Variants in MAD1L1 observed in about 807,000 individuals in gnomAD.
MAD1L1 encodes the protein mitotic spindle assembly checkpoint protein MAD1.
Under a neutral mutation model 96.9 loss-of-function variants are expected in MAD1L1, and 95 were observed. That is an observed-to-expected ratio of 0.98 (90% CI 0.83 to 1.16). The LOEUF (loss-of-function observed/expected upper bound fraction) is 1.16, where lower values mean the gene tolerates loss of function less well. Among genes scored for constraint, MAD1L1 ranks in the 50% most tolerant of loss-of-function variants. The probability of loss-of-function intolerance (pLI) is 0.00; values close to 1 mark genes in which losing one functional copy is unlikely to be tolerated. For synonymous variants in MAD1L1, 473 were observed against 396.6 expected (o/e 1.19, Z -2.29); for missense variants, 1,007 against 954.4 (o/e 1.06, Z -0.73).
intron 10 of MAD1L1, among the ~76,000 whole-genome samples, chr7:2,152,862 G>A (rs1207582873): frequency 6.6e-6 from 1 of 152,210 alleles, no homozygotes; most frequent in Non-Finnish European, 1.5e-5. Flanking sequence ...GGCATTGGGA[G>A]GCCGGGAGAG....
chr7:1,854,070 G>C (rs1445488832), intron 18 of MAD1L1, among the ~76,000 whole-genome samples: 2 of 152,186 alleles, frequency 1.3e-5, no homozygotes, highest in Non-Finnish European at 2.9e-5. Context: ...TCGATCACGG[G>C]CGTCGGGTAC....
rs1786049208 is a variant in MAD1L1 at position 2,088,580 on chromosome 7, G to A, written c.1074-19242C>T. ...CCTGGGAGGCCGGGGAGATCAGGAC[G>A]GTGTGGCACAGCCTGGGGCACTCCC... On this transcript the variant is annotated intron_variant, in intron 11 of 18. Transcript: ENST00000265854. The surrounding 1 kb of genome is among the most constrained non-coding windows in gnomAD (Gnocchi z 4.4). Among the ~76,000 whole-genome samples, 2 of 152,284 alleles carry A rather than the reference G, an allele frequency of 1.3e-5. No homozygotes were observed. The highest frequency in any genetic ancestry group is 1.3e-4 in the Admixed American group (2 of 15,302).
chr7:2,060,218 C>T (rs1022012821), intron 12 of MAD1L1, among the ~76,000 whole-genome samples: 1 of 131,428 alleles, frequency 7.6e-6, no homozygotes, highest in Non-Finnish European at 1.5e-5. Flanking sequence ...TGCCAAGTTA[C>T]GCCGATGCCG....
chr7:1,907,163 C>T lies in MAD1L1; in HGVS notation c.1808-8773G>A, dbSNP rs555360628. ...GCTCCCAGCTGCTCAGCCCTTGCCA[C>T]GCCCCCATCCCCACTATCTCCCCAC... is the stretch of plus-strand genomic sequence containing the variant. On this transcript the variant is annotated intron_variant, in intron 17 of 18. Transcript: ENST00000265854. Among the ~76,000 whole-genome samples, 7 of 152,316 alleles carry T rather than the reference C, an allele frequency of 4.6e-5. No individual in the cohort carries two copies. In the South Asian group the frequency reaches 1.0e-3, roughly 23 times the overall value.
intron 10 of MAD1L1, among the ~76,000 whole-genome samples, chr7:2,174,573 G>C (rs1452984787): frequency 1.3e-5 from 2 of 152,118 alleles, no homozygotes; most frequent in Non-Finnish European, 2.9e-5. Context: ...CCGATCCTCA[G>C]AGTGTATTCC....
chr7:1,821,725 T>A (rs1401505131), intron 18 of MAD1L1, among the ~76,000 whole-genome samples: 1 of 152,062 alleles, frequency 6.6e-6, no homozygotes, highest in African/African-American at 2.4e-5. Context: ...TTTGAAAAAA[T>A]TTAATCTCCA....
intron 17 of MAD1L1, among the ~76,000 whole-genome samples, chr7:1,927,519 T>G (rs1421762859): frequency 6.6e-6 from 1 of 152,114 alleles, no homozygotes; most frequent in Non-Finnish European, 1.5e-5. Flanking sequence ...AGAGAAGGTG[T>G]AGAAAGAGAC....
At chr7:1,931,917 C>T (rs62442915) in intron 17 of MAD1L1, among the ~76,000 whole-genome samples, 4,306 of 152,338 alleles carry the variant, frequency 0.028, 95 homozygotes, top group Middle Eastern at 0.11. Context: ...ACAGGTGCTT[C>T]CCAGTCTTTT....
At chr7:2,075,557 T>C (rs1227030333) in intron 11 of MAD1L1, among the ~76,000 whole-genome samples, 1 of 152,050 alleles carries the variant, frequency 6.6e-6, no homozygotes, top group Non-Finnish European at 1.5e-5. Flanking sequence ...AGAATGAAGT[T>C]CTTAGTTCCT....
At chr7:2,057,209 G>A (rs918639644) in intron 12 of MAD1L1, among the ~76,000 whole-genome samples, 13 of 152,224 alleles carry the variant, frequency 8.5e-5, no homozygotes, top group Non-Finnish European at 1.3e-4. Context: ...AATGTGCCAG[G>A]CTCACAGGAG....
intron 12 of MAD1L1, among the ~76,000 whole-genome samples, chr7:2,019,702 G>A (rs185370898): frequency 5.3e-5 from 7 of 131,098 alleles, no homozygotes; most frequent in East Asian, 2.4e-4. Context: ...CTCCACCCAC[G>A]CAAGGCCACG....
intron 17 of MAD1L1, among the ~76,000 whole-genome samples, chr7:1,930,991 A>C (rs1004213774): frequency 3.3e-5 from 5 of 151,218 alleles, no homozygotes; most frequent in Admixed American, 6.6e-5. Context: ...CAGCCTACCC[A>C]CGGTCACAGG....
chr7:1,973,492 C>A (rs1347682011), intron 15 of MAD1L1, among the ~76,000 whole-genome samples: 1 of 152,122 alleles, frequency 6.6e-6, no homozygotes, highest in Non-Finnish European at 1.5e-5. Flanking sequence ...AGGGTGGATG[C>A]GAGCTGGGCC....
intron 12 of MAD1L1, among the ~76,000 whole-genome samples, chr7:2,036,809 C>T (rs1262971299): frequency 2.6e-5 from 4 of 152,176 alleles, no homozygotes; most frequent in Non-Finnish European, 5.9e-5. Flanking sequence ...GGAAATGACA[C>T]TGGGTACCTA....
intron 13 of MAD1L1, among the ~76,000 whole-genome samples, chr7:2,010,766 C>A (rs11771625): frequency 6.6e-6 from 1 of 152,004 alleles, no homozygotes; most frequent in Non-Finnish European, 1.5e-5. Context: ...GCGACTACCC[C>A]GAGCCCACCT....
intron 16 of MAD1L1, among the ~76,000 whole-genome samples, chr7:1,957,393 C>T (rs574128991): frequency 1.3e-5 from 2 of 152,354 alleles, no homozygotes; most frequent in Admixed American, 1.3e-4. Context: ...CCCACTCCAC[C>T]GACACCAGGC....
Position 1,872,971 on chromosome 7 carries a change from T to C in MAD1L1, c.1998+25229A>G, listed in dbSNP as rs576977585. Among the ~76,000 whole-genome samples the C allele has an allele frequency of 3.9e-5, 6 of 152,292 alleles. No homozygotes were observed. In the East Asian group the frequency reaches 1.2e-3, roughly 30 times the overall value. On this transcript the variant is annotated intron_variant, in intron 18 of 18. Coordinates refer to ENST00000265854, the MANE Select transcript of MAD1L1 (RefSeq NM_001013836.2). ...GTCACGGAGAGAGAGATGGCCGTGATCTTTAATCCAGAAATCCCACTTTGG... is the reference window on the plus strand; with the variant it reads ...GTCACGGAGAGAGAGATGGCCGTGACCTTTAATCCAGAAATCCCACTTTGG...
chr7:2,131,346 G>A (rs1788501451), intron 11 of MAD1L1, among the ~76,000 whole-genome samples: 1 of 152,158 alleles, frequency 6.6e-6, no homozygotes, highest in Non-Finnish European at 1.5e-5. Context: ...ATTAAAAATG[G>A]CTTACGCACC....
intron 12 of MAD1L1, among the ~76,000 whole-genome samples, chr7:2,050,811 G>A (rs914180737): frequency 2.0e-5 from 3 of 152,178 alleles, no homozygotes; most frequent in East Asian, 1.9e-4. Flanking sequence ...TGTGCGGAAC[G>A]GCCAGGTGAG....
Sources: gnomAD v4.1 joint callset for allele counts (sites outside exome capture counted in the v4.1 genomes callset) on GRCh38, gnomAD v4.1.1 for gene constraint, Gnocchi (gnomAD v3.1) non-coding constraint, MANE v1.5 for transcripts, NCBI Gene and HGNC (gene_info 2026-07-23, HGNC 2026-07-21) for gene names.